MYCBP: variants seen among roughly 807,000 people sequenced by gnomAD.
The protein encoded by MYCBP is C-Myc-binding protein.
MYCBP carries 5 observed loss-of-function variants against 16.8 expected under a neutral mutation model. The ratio of observed to expected loss-of-function variants is 0.30; its 90% CI spans 0.16 to 0.63. MYCBP has a LOEUF of 0.63. Among genes scored for constraint, MYCBP ranks in the 20% least tolerant of loss-of-function variants. The pLI, the probability that MYCBP is intolerant of heterozygous loss-of-function variation, is 0.83. For missense variants in MYCBP, 103 were observed against 121.8 expected, an observed-to-expected ratio of 0.85 and a Z score of 0.73; for synonymous variants, 35 against 43.7, an observed-to-expected ratio of 0.80 and a Z score of 0.79.
chr1:38,867,356 A>C (rs993091987), intron 3 of MYCBP, among the ~76,000 whole-genome samples: 16 of 151,760 alleles, frequency 1.1e-4, no homozygotes, highest in African/African-American at 3.9e-4. Flanking sequence ...GTGAGGCAGG[A>C]GAATCGCTTG....
intron 2 of MYCBP, among the ~76,000 whole-genome samples, chr1:38,869,174 C>T (rs566550268): frequency 4.8e-4 from 73 of 151,736 alleles, no homozygotes; most frequent in Non-Finnish European, 8.4e-4. Flanking sequence ...CCACAACCCC[C>T]GCCTCCCAGG....
chr1:38,872,987 C>G, intron 2 of MYCBP, 31 bp downstream of exon 2: 1 of 1,554,814 alleles, frequency 6.4e-7, no homozygotes, highest in Non-Finnish European at 8.7e-7. Context: ...ACGACGAGGG[C>G]ACGAGGTACC....
intron 2 of MYCBP, among the ~76,000 whole-genome samples, chr1:38,872,192 C>T (rs1642479889): frequency 6.6e-6 from 1 of 152,244 alleles, no homozygotes; most frequent in Admixed American, 6.5e-5. Flanking sequence ...TTCCTAGTTT[C>T]ATATGACCCA....
intron 4 of MYCBP, 100 bp downstream of exon 4, chr1:38,866,780 T>A (rs1454222077): frequency 5.1e-6 from 5 of 985,392 alleles, no homozygotes; most frequent in Admixed American, 5.6e-5. Flanking sequence ...AAATTGATAT[T>A]CACCCACCTC....
intron 3 of MYCBP, among the ~76,000 whole-genome samples, chr1:38,867,326 A>T (rs1267428202): frequency 1.3e-5 from 2 of 152,072 alleles, no homozygotes; most frequent in South Asian, 4.1e-4. Context: ...GGCACCTGTA[A>T]TCCCAGCTAC....
At chr1:38,870,819 A>AC (rs1479331858) in intron 2 of MYCBP, among the ~76,000 whole-genome samples, 1 of 151,186 alleles carries the variant, frequency 6.6e-6, no homozygotes, top group Non-Finnish European at 1.5e-5. Flanking sequence ...AAAAAAAAAA[A>AC]AAAAAAAAAC....
intron 1 of MYCBP, 68 bp from the exon 2 acceptor site, chr1:38,873,158 G>C (rs993245768): frequency 1.3e-6 from 2 of 1,550,952 alleles, no homozygotes; most frequent in African/African-American, 2.7e-5. Context: ...CTGGGAGTCC[G>C]GCAACCCCGC....
At position 38,862,969 on chromosome 1, in the gene MYCBP, T is replaced by C. The variant is rs1642271672; in HGVS notation, c.*1701A>G. 1 of 152,198 alleles carries C rather than the reference T, an allele frequency of 6.6e-6. No individual in the cohort carries two copies. Among genetic ancestry groups the C allele is most frequent in the Non-Finnish European group, 1.5e-5 (1 of 68,044 alleles). 9.4% of individuals were successfully genotyped at this position (152,198 alleles called of 1,614,324 possible). On this transcript the variant is annotated 3_prime_UTR_variant, in exon 5 of 5. Transcript: ENST00000397572. ...CTAAGGAAGCCAAGTCTCTCTCTCT[T>C]TCAAAACCCTCACGGGGCCATGCTT...
intron 3 of MYCBP, 39 bp from the exon 4 acceptor site, chr1:38,867,048 T>A (rs1361053018): frequency 6.4e-7 from 1 of 1,553,988 alleles, no homozygotes; most frequent in Admixed American, 1.7e-5. Flanking sequence ...TAGACATGAA[T>A]GAAACTAATG....
intron 2 of MYCBP, among the ~76,000 whole-genome samples, chr1:38,870,847 G>C (rs1290983582): frequency 1.5e-5 from 2 of 130,948 alleles, no homozygotes; most frequent in Non-Finnish European, 3.2e-5. Flanking sequence ...ATTGTGTAAA[G>C]CACCTATGTT....
Position 38,864,431 on chromosome 1 carries a change from G to T in MYCBP, c.*239C>A. On this transcript the variant is annotated 3_prime_UTR_variant, in exon 5 of 5. Transcript: ENST00000397572. ...AACAGAATGTCTTTTAAGGTAATGA[G>T]TTAGATGGCTGTGTTTAGGTTTTGT... 1 of 542,092 alleles carries T rather than the reference G, an allele frequency of 1.8e-6. No individual in the cohort carries two copies. Among genetic ancestry groups the T allele is most frequent in the Non-Finnish European group, 3.3e-6 (1 of 302,504 alleles). The allele number at this position is 542,092 out of a possible 1,614,324, so 33.6% of individuals were successfully genotyped here. A position where few individuals can be genotyped will look rare whatever the true frequency, so the allele number is the denominator to read the frequency against.
chr1:38,872,509 G>T (rs112773291), intron 2 of MYCBP: 2,872 of 156,498 alleles, frequency 0.018, 74 homozygotes, highest in African/African-American at 0.061. Context: ...AATAAGAATT[G>T]ACACAGACAG....
chr1:38,873,231 A>G (rs1642506483), intron 1 of MYCBP, 60 bp downstream of exon 1: 1 of 1,589,218 alleles, frequency 6.3e-7, no homozygotes, highest in Non-Finnish European at 8.5e-7. Flanking sequence ...ACTCCCACCC[A>G]GAGCCGACCA....
intron 1 of MYCBP, 76 bp from the exon 2 acceptor site, chr1:38,873,166 C>A: frequency 6.4e-7 from 1 of 1,551,050 alleles, no homozygotes; most frequent in Non-Finnish European, 8.7e-7. Context: ...CCGGCAACCC[C>A]GCCTCCGCCT....
chr1:38,868,101 A>C (rs1356903561), intron 2 of MYCBP, among the ~76,000 whole-genome samples: 3 of 152,220 alleles, frequency 2.0e-5, no homozygotes, highest in Admixed American at 1.3e-4. Context: ...CACATAATTA[A>C]ACAGTTTAAA....
chr1:38,865,023 A>G (rs1288197150), intron 4 of MYCBP, among the ~76,000 whole-genome samples: 1 of 152,218 alleles, frequency 6.6e-6, no homozygotes, highest in Admixed American at 6.5e-5. Context: ...TTTGCTTATA[A>G]GGAACTTTCT....
rs1021779161 is a variant in MYCBP at position 38,873,223 on chromosome 1, T to C, written c.15+68A>G. 9 of 1,583,188 alleles carry C rather than the reference T, an allele frequency of 5.7e-6. No individual in the cohort carries two copies. The East Asian group carries it at 1.1e-4, about 20-fold the overall frequency. On this transcript the variant is annotated intron_variant, in intron 1 of 4. Coordinates refer to ENST00000397572, the MANE Select transcript of MYCBP (RefSeq NM_012333.5). ...CCCAAACCTGCGCGCGCGACCCCAC[T>C]CCCACCCAGAGCCGACCAGCGGCTT...
rs889593827 is a variant in MYCBP at position 38,862,983 on chromosome 1, G to A, written c.*1687C>T. 2 of 152,084 alleles carry A rather than the reference G, an allele frequency of 1.3e-5. No individual in the cohort carries two copies. Among genetic ancestry groups the A allele is most frequent in the African/African-American group, 2.4e-5 (1 of 41,410 alleles). The allele number at this position is 152,084 out of a possible 1,614,324, so 9.4% of individuals were successfully genotyped here. ...TCTCTCTCTCTTTCAAAACCCTCAC[G>A]GGGCCATGCTTTATTATAATGGTCT... is the stretch of plus-strand genomic sequence containing the variant. On this transcript the variant is annotated 3_prime_UTR_variant, in exon 5 of 5. Transcript: ENST00000397572.
At chr1:38,866,686 A>T (rs1452618367) in intron 4 of MYCBP, among the ~76,000 whole-genome samples, 194 bp downstream of exon 4, 2 of 152,154 alleles carry the variant, frequency 1.3e-5, no homozygotes, top group Non-Finnish European at 2.9e-5. Flanking sequence ...AAGTGCTGGG[A>T]TTACAGGCGT....
Sources: gnomAD v4.1 joint callset for allele counts (sites outside exome capture counted in the v4.1 genomes callset) on GRCh38, gnomAD v4.1.1 for gene constraint, MANE v1.5 for transcripts, NCBI Gene and HGNC (gene_info 2026-07-23, HGNC 2026-07-21) for gene names.